ZFHX3: variants seen among roughly 807,000 people sequenced by gnomAD.
The protein encoded by ZFHX3 is zinc finger homeobox 3, also known as zinc finger homeobox protein 3.
A neutral mutation model predicts 279.1 loss-of-function variants in ZFHX3; 42 were observed. The observed-to-expected ratio is 0.15, with a 90% CI of 0.12 to 0.19. The LOEUF (loss-of-function observed/expected upper bound fraction) is 0.19. Ranked by LOEUF, ZFHX3 falls within the 10% of genes least tolerant of loss-of-function variation. The probability of loss-of-function intolerance (pLI) is 1.00; values close to 1 mark genes in which losing one functional copy is unlikely to be tolerated. For missense variants in ZFHX3, 4,981 were observed against 4,754.0 expected, an observed-to-expected ratio of 1.05 and a Z score of -1.40; for synonymous variants, 2,293 against 1,957.8, an observed-to-expected ratio of 1.17 and a Z score of -4.52.
At chr16:73,033,269 AC>A (rs1436717490) in intron 1 of ZFHX3, among the ~76,000 whole-genome samples, 1 of 152,166 alleles carries the variant, frequency 6.6e-6, no homozygotes, top group Non-Finnish European at 1.5e-5. Flanking sequence ...CTTGCAAAGC[AC>A]CTGGAGAAAA....
chr16:73,551,211 T>C (rs1182055102), intron 2 of ZFHX3, among the ~76,000 whole-genome samples: 1 of 152,180 alleles, frequency 6.6e-6, no homozygotes, highest in Non-Finnish European at 1.5e-5. Flanking sequence ...CTCTTGAGAA[T>C]TAACTGATAT....
At chr16:72,877,300 G>A (rs2038337844) in intron 4 of ZFHX3, among the ~76,000 whole-genome samples, 1 of 152,178 alleles carries the variant, frequency 6.6e-6, no homozygotes, top group African/African-American at 2.4e-5. Context: ...AATGACCTCT[G>A]GACTCGCAGC....
chr16:73,204,612 G>A (rs1380564330), intron 5 of ZFHX3, among the ~76,000 whole-genome samples: 1 of 152,176 alleles, frequency 6.6e-6, no homozygotes, highest in Non-Finnish European at 1.5e-5. Flanking sequence ...CCTGCTGTGT[G>A]ACCTGGTTCC....
chr16:73,686,081 A>T (rs766748817), intron 1 of ZFHX3, among the ~76,000 whole-genome samples: 6 of 151,944 alleles, frequency 3.9e-5, no homozygotes, highest in Non-Finnish European at 7.4e-5. Flanking sequence ...TAGTATATTC[A>T]GACATTTCTT....
chr16:73,520,809 C>T (rs2019596889), intron 2 of ZFHX3, among the ~76,000 whole-genome samples: 1 of 152,158 alleles, frequency 6.6e-6, no homozygotes, highest in South Asian at 2.1e-4. Context: ...ATTATGAAGA[C>T]ATAGATTCTG....
intron 1 of ZFHX3, among the ~76,000 whole-genome samples, chr16:73,033,303 G>C (rs1964775709): frequency 6.6e-6 from 1 of 152,154 alleles, no homozygotes; most frequent in African/African-American, 2.4e-5. Flanking sequence ...CCCAGTGTCT[G>C]ACTGAGGGAG....
chr16:72,949,502 G>A (rs566027052), intron 3 of ZFHX3, among the ~76,000 whole-genome samples: 2 of 152,290 alleles, frequency 1.3e-5, no homozygotes, highest in Admixed American at 1.3e-4. Context: ...GAGACGTCTG[G>A]AGCAATTCTG....
intron 2 of ZFHX3, among the ~76,000 whole-genome samples, chr16:73,509,242 A>G (rs368176614): frequency 6.6e-6 from 1 of 152,238 alleles, no homozygotes; most frequent in African/African-American, 2.4e-5. Context: ...TCTGCCACCT[A>G]TAGCCATTAA....
intron 1 of ZFHX3, among the ~76,000 whole-genome samples, chr16:73,819,504 C>T (rs571289999): frequency 2.8e-4 from 43 of 152,006 alleles, no homozygotes; most frequent in Non-Finnish European, 5.7e-4. Flanking sequence ...TCCTTGGCCA[C>T]AAACTTTAAG....
intron 7 of ZFHX3, chr16:73,127,457 C>G (rs370213262): frequency 4.6e-6 from 6 of 1,305,350 alleles, no homozygotes; most frequent in Non-Finnish European, 4.0e-6. Context: ...AGACATCAAG[C>G]GAGAGCCGGG....
chr16:73,039,112 C>T (rs1039688452), intron 1 of ZFHX3, among the ~76,000 whole-genome samples: 1 of 139,162 alleles, frequency 7.2e-6, no homozygotes, highest in Non-Finnish European at 1.6e-5. Flanking sequence ...CCGAGCCTAG[C>T]TAATTAAAAA....
rs561521797 is a variant in ZFHX3 at position 73,064,857 on chromosome 16, T to A, written c.-532-5845A>T. 5.9e-5 allele frequency among the ~76,000 whole-genome samples: 9 copies of A among 152,220 alleles called. No individual in the cohort carries two copies. The South Asian group carries it at 1.9e-3, about 32-fold the overall frequency. On this transcript the variant is annotated intron_variant, in intron 8 of 17. Coordinates refer to the ZFHX3 transcript ENST00000641206. The stretch of plus-strand genomic sequence containing the variant: ...GCGCGGAGCCGGTGGCTCTCCCGGG[T>A]TCCACACCGCCTGCACCGCTGGCTA...
chr16:73,259,670 C>T (rs184718368), intron 4 of ZFHX3, among the ~76,000 whole-genome samples: 2 of 151,860 alleles, frequency 1.3e-5, no homozygotes, highest in Non-Finnish European at 1.5e-5. Flanking sequence ...TTTCTTTGAA[C>T]GTAAAAAAAT....
chr16:73,716,649 ACGCATGCACG>A (rs758747875), intron 1 of ZFHX3, among the ~76,000 whole-genome samples: 1,212 of 52,324 alleles, frequency 0.023, 15 homozygotes, highest in African/African-American at 0.06. Context: ...ACACACACAC[ACGCATGCACG>A]CACGCACAGA....
intron 3 of ZFHX3, among the ~76,000 whole-genome samples, chr16:73,327,383 CAA>C (rs1188664692): frequency 5.9e-5 from 9 of 152,166 alleles, no homozygotes; most frequent in African/African-American, 2.2e-4. Context: ...TCCTACCCTT[CAA>C]AGAGTCAGTC....
intron 1 of ZFHX3, among the ~76,000 whole-genome samples, chr16:73,861,120 C>T (rs1290326572): frequency 1.3e-5 from 2 of 151,896 alleles, no homozygotes; most frequent in Admixed American, 1.3e-4. Flanking sequence ...AGTGCCACCA[C>T]ACCTGGATGG....
At chr16:73,564,412 G>A (rs764515571) in intron 2 of ZFHX3, among the ~76,000 whole-genome samples, 1 of 152,138 alleles carries the variant, frequency 6.6e-6, no homozygotes, top group Non-Finnish European at 1.5e-5. Context: ...TTATCCCTCG[G>A]TTCTATCCCT....
At chr16:73,185,651 T>G (rs1474284942) in intron 5 of ZFHX3, among the ~76,000 whole-genome samples, 4 of 152,200 alleles carry the variant, frequency 2.6e-5, no homozygotes, top group Admixed American at 2.6e-4. Context: ...TTTGAAGAAT[T>G]GCTCTAATGA....
chr16:73,622,259 T>C (rs898655457), intron 2 of ZFHX3, among the ~76,000 whole-genome samples: 2 of 152,112 alleles, frequency 1.3e-5, no homozygotes, highest in South Asian at 4.1e-4. Flanking sequence ...GAGAGTTCTC[T>C]GTAAGAAAGG....
Sources: allele counts gnomAD v4.1 joint callset (sites outside exome capture counted in the v4.1 genomes callset), GRCh38; gene constraint gnomAD v4.1.1; transcripts MANE v1.5; gene names NCBI Gene and HGNC (gene_info 2026-07-23, HGNC 2026-07-21).